SNAPC1: variants seen among roughly 807,000 people sequenced by gnomAD.
SNAPC1 encodes small nuclear RNA activating complex polypeptide 1.
In SNAPC1, 42 loss-of-function variants were observed where a neutral mutation model predicts 50.1. The observed-to-expected ratio is 0.84, with a 90% CI of 0.65 to 1.08. The LOEUF (loss-of-function observed/expected upper bound fraction) is 1.08. Among genes scored for constraint, SNAPC1 ranks in the 50% least tolerant of loss-of-function variants. The pLI is 0.00. For missense variants in SNAPC1, 477 were observed against 427.3 expected (o/e 1.12, Z -1.02); for synonymous variants, 164 against 144.2 (o/e 1.14, Z -0.98).
intron 4 of SNAPC1, among the ~76,000 whole-genome samples, chr14:61,773,325 A>G (rs566112617): frequency 1.3e-5 from 2 of 151,654 alleles, no homozygotes; most frequent in African/African-American, 2.4e-5. Flanking sequence ...ACCTGGAACT[A>G]TGCTAGATGT....
chr14:61,779,854 A>C (rs550823749), intron 7 of SNAPC1, among the ~76,000 whole-genome samples: 51 of 151,910 alleles, frequency 3.4e-4, no homozygotes, highest in African/African-American at 1.2e-3. Context: ...GATTACAGGC[A>C]TGCATCACCA....
intron 9 of SNAPC1, among the ~76,000 whole-genome samples, chr14:61,794,547 A>G (rs2045174908): frequency 6.6e-6 from 1 of 152,116 alleles, no homozygotes; most frequent in Non-Finnish European, 1.5e-5. Context: ...CTGGTACTAT[A>G]GACATGTACC....
At chr14:61,784,180 T>C (rs1369694043) in intron 8 of SNAPC1, among the ~76,000 whole-genome samples, 4 of 152,184 alleles carry the variant, frequency 2.6e-5, no homozygotes, top group Non-Finnish European at 5.9e-5. Flanking sequence ...AAGAAATAGT[T>C]CAAAAGGAGA....
At chr14:61,790,262 G>A (rs1299025777) in intron 8 of SNAPC1, among the ~76,000 whole-genome samples, 4 of 152,256 alleles carry the variant, frequency 2.6e-5, no homozygotes, top group Admixed American at 6.5e-5. Flanking sequence ...ACCATTCCTC[G>A]AATATAACAT....
intron 3 of SNAPC1, among the ~76,000 whole-genome samples, chr14:61,768,027 G>T (rs1317677318): frequency 6.6e-6 from 1 of 152,234 alleles, no homozygotes; most frequent in East Asian, 1.9e-4. Flanking sequence ...TGATCCACCC[G>T]CCTCAGCCTC....
chr14:61,779,917 C>T (rs913038210), intron 7 of SNAPC1, among the ~76,000 whole-genome samples: 13 of 152,212 alleles, frequency 8.5e-5, no homozygotes, highest in African/African-American at 3.1e-4. Flanking sequence ...CCATGTTCAC[C>T]AGGCTGGTCT....
In SNAPC1 at chr14:61,783,980, T is replaced by C. The variant is rs145710911; in HGVS notation, c.976+1583T>C. ...TTTAATGACTAATAATGAAATTCAC[T>C]CTCAACTACTGCAGGTATATATGAA... On this transcript the variant is annotated intron_variant, in intron 8 of 9. Transcript: ENST00000216294. Among the ~76,000 whole-genome samples the C allele has an allele frequency of 2.2e-3, 338 of 152,340 alleles. 1 individual carries two copies. The highest frequency in any genetic ancestry group is 6.8e-3 in the Middle Eastern group (2 of 294).
chr14:61,763,005 T>TTTTTTTC (rs2044918956), intron 1 of SNAPC1, among the ~76,000 whole-genome samples: 4 of 141,834 alleles, frequency 2.8e-5, no homozygotes, highest in Non-Finnish European at 6.1e-5. Context: ...TTTTTTTTTT[T>TTTTTTTC]TTTGAGACGG....
At chr14:61,788,760 C>G (rs1216412832) in intron 8 of SNAPC1, among the ~76,000 whole-genome samples, 1 of 152,040 alleles carries the variant, frequency 6.6e-6, no homozygotes, top group African/African-American at 2.4e-5. Flanking sequence ...AGAATCAGGT[C>G]AAAATTTTAA....
At chr14:61,790,175 T>G (rs1441857382) in intron 8 of SNAPC1, among the ~76,000 whole-genome samples, 1 of 152,202 alleles carries the variant, frequency 6.6e-6, no homozygotes, top group Non-Finnish European at 1.5e-5. Context: ...TAATAATTGC[T>G]TGGTGTATTA....
At chr14:61,769,125 C>T (rs1455511098) in intron 4 of SNAPC1, among the ~76,000 whole-genome samples, 3 of 151,842 alleles carry the variant, frequency 2.0e-5, no homozygotes, top group South Asian at 2.1e-4. Flanking sequence ...TTTGGGAGGC[C>T]GAGGTGGGTG....
chr14:61,780,426 A>G (rs1443538091), intron 7 of SNAPC1, among the ~76,000 whole-genome samples: 6 of 152,286 alleles, frequency 3.9e-5, no homozygotes, highest in South Asian at 2.1e-4. Context: ...TATTCTCTAT[A>G]GATTTTCAAT....
chr14:61,769,060 T>A (rs942949175), intron 4 of SNAPC1, among the ~76,000 whole-genome samples: 2 of 152,076 alleles, frequency 1.3e-5, no homozygotes, highest in African/African-American at 2.4e-5. Flanking sequence ...CTTACTTTTT[T>A]AAAAAAACAA....
chr14:61,782,269 G>T lies in SNAPC1; in HGVS notation c.848G>T (p.Arg283Leu), dbSNP rs375863457. The T allele has an allele frequency of 2.5e-6, 4 of 1,601,664 alleles. No individual in the cohort carries two copies. Among genetic ancestry groups the T allele is most frequent in the Non-Finnish European group, 3.4e-6 (4 of 1,176,086 alleles). ...AAGGCATCCAAATCAAGAAGGCATC[G>T]TCAAGTCAAACTCGACTCTTCTGAC... The part of the protein sequence containing the change: ...VIQASKSRRH[R>L]QVKLDSSDSD... The change falls in exon 8 of 10, where the codon CGT (arginine) becomes CTT (leucine). Residue 283 changes from arginine (R) to leucine (L), a missense_variant. Transcript: ENST00000216294.
chr14:61,792,779 T>C (rs1335137243), intron 8 of SNAPC1, 28 bp from the exon 9 acceptor site: 7 of 1,246,624 alleles, frequency 5.6e-6, no homozygotes, highest in Non-Finnish European at 7.9e-6. Context: ...TTTGCTTTCA[T>C]ATAAAATCAT....
chr14:61,766,470 C>T (rs1158309354), intron 1 of SNAPC1, among the ~76,000 whole-genome samples: 2 of 152,186 alleles, frequency 1.3e-5, no homozygotes, highest in African/African-American at 4.8e-5. Flanking sequence ...AAAAAAATGG[C>T]CTTGCTGAAG....
chr14:61,783,528 G>T lies in SNAPC1; in HGVS notation c.976+1131G>T, dbSNP rs1356655119. On this transcript the variant is annotated intron_variant, in intron 8 of 9. Transcript: ENST00000216294. ...GTATATATTTCAATAGTTTGGTTTG[G>T]TTTTTTTTTTTTTTTTTTTTTTCTT... Among the ~76,000 whole-genome samples, 961 of 110,138 alleles carry T rather than the reference G, an allele frequency of 8.7e-3. 9 individuals are homozygous for T. The highest frequency in any genetic ancestry group is 0.012 in the Non-Finnish European group (689 of 56,002). The allele number at this position is 110,138 out of a possible 152,430, so 72.3% of individuals were successfully genotyped here. A position where few individuals can be genotyped will look rare whatever the true frequency, so the allele number is the denominator to read the frequency against.
intron 4 of SNAPC1, among the ~76,000 whole-genome samples, chr14:61,774,648 A>ATTTCTTTTTTTTTTTTTTT (rs1172798543): frequency 1.1e-5 from 1 of 90,968 alleles, no homozygotes; most frequent in African/African-American, 4.1e-5. Flanking sequence ...TCAGTTTCTC[A>ATTTCTTTTTTTTTTTTTTT]TTTTTTTTTT....
At position 61,796,332 on chromosome 14, in the gene SNAPC1, A is replaced by C. The variant is rs966422747; in HGVS notation, c.*1349A>C. ...AGACTTCGTCTCAAAAAAAAAAAAAAGTTTGGGTTGAAGATCAAATTCGTG... is the reference window on the plus strand; with the variant it reads ...AGACTTCGTCTCAAAAAAAAAAAAACGTTTGGGTTGAAGATCAAATTCGTG... On this transcript the variant is annotated 3_prime_UTR_variant, in exon 10 of 10. Transcript: ENST00000216294. The C allele has an allele frequency of 2.8e-4, 42 of 152,140 alleles. No homozygotes were observed. The highest frequency in any genetic ancestry group is 9.6e-4 in the African/African-American group (40 of 41,482). The allele number at this position is 152,140 out of a possible 1,614,324, so 9.4% of individuals were successfully genotyped here. A position where few individuals can be genotyped will look rare whatever the true frequency, so the allele number is the denominator to read the frequency against.
Sources: allele counts gnomAD v4.1 joint callset (sites outside exome capture counted in the v4.1 genomes callset), GRCh38; gene constraint gnomAD v4.1.1; transcripts MANE v1.5; gene names NCBI Gene and HGNC (gene_info 2026-07-23, HGNC 2026-07-21).